PLXNC1: variants seen among roughly 807,000 people sequenced by gnomAD.
PLXNC1 encodes plexin-C1.
A neutral mutation model predicts 178.2 loss-of-function variants in PLXNC1; 75 were observed. The ratio of observed to expected loss-of-function variants is 0.42; its 90% CI spans 0.35 to 0.51. PLXNC1 has a LOEUF of 0.51. Ranked by LOEUF, PLXNC1 falls within the 20% of genes least tolerant of loss-of-function variation. The pLI is 0.02. For synonymous variants in PLXNC1, 790 were observed against 779.9 expected, an observed-to-expected ratio of 1.01 and a Z score of -0.22; for missense variants, 1,503 against 1,984.4, an observed-to-expected ratio of 0.76 and a Z score of 4.61.
intron 21 of PLXNC1, among the ~76,000 whole-genome samples, chr12:94,271,147 A>T (rs2136106003): frequency 6.6e-6 from 1 of 152,372 alleles, no homozygotes; most frequent in Non-Finnish European, 1.5e-5. Context: ...TTCGGCCCTG[A>T]AATAAAATTA....
In PLXNC1 at chr12:94,248,354, G is replaced by A. The variant is rs1964589347; in HGVS notation, c.2720G>A (p.Cys907Tyr). The A allele has an allele frequency of 6.2e-7, 1 of 1,613,140 alleles. No homozygotes were observed. Among genetic ancestry groups the A allele is most frequent in the Non-Finnish European group, 8.5e-7 (1 of 1,179,826 alleles). ...TRNQDLTTIL[C>Y]KIKGIKTAST... ...AATCAAGATCTTACCACCATCCTTT[G>A]CAAAATTAAAGGCATCAAGACTGCA... is the stretch of plus-strand genomic sequence containing the variant. The change falls in exon 14 of 31, where the codon TGC (cysteine) becomes TAC (tyrosine). Residue 907 changes from cysteine to tyrosine, a missense_variant. This residue lies in a region of PLXNC1 where 639 missense variants were observed against 979.7 expected (regional missense o/e 0.65). Transcript: ENST00000258526.
intron 4 of PLXNC1, among the ~76,000 whole-genome samples, chr12:94,207,063 G>T (rs561163282): frequency 3.3e-5 from 5 of 152,342 alleles, no homozygotes; most frequent in Admixed American, 3.3e-4. Context: ...GTAATATGCT[G>T]TCATGAAGAT....
chr12:94,159,148 AG>A (rs973408532), intron 1 of PLXNC1, among the ~76,000 whole-genome samples: 27 of 152,376 alleles, frequency 1.8e-4, no homozygotes, highest in Admixed American at 2.6e-4. Context: ...CATGGTAAAT[AG>A]GGTAGACAAT....
Position 94,272,888 on chromosome 12 carries a change from C to T in PLXNC1, c.3598-6584C>T, listed in dbSNP as rs73368561. Among the ~76,000 whole-genome samples the T allele has an allele frequency of 4.1e-3, 629 of 152,318 alleles. 1 individual carries two copies. The highest frequency in any genetic ancestry group is 0.014 in the African/African-American group (597 of 41,572). On this transcript the variant is annotated intron_variant, in intron 21 of 30. Coordinates refer to ENST00000258526, the MANE Select transcript of PLXNC1 (RefSeq NM_005761.3). The stretch of plus-strand genomic sequence containing the variant: ...GGAGGTCAAGCCTCCTCTACCAGAT[C>T]GCCTATGTCCAGCCTGTCTCCTGGG...
intron 2 of PLXNC1, among the ~76,000 whole-genome samples, chr12:94,171,620 C>T (rs113683270): frequency 3.3e-5 from 5 of 152,230 alleles, no homozygotes; most frequent in African/African-American, 9.6e-5. Context: ...CAACCTCTGC[C>T]GCACACATTG....
chr12:94,223,756 C>T (rs1565817781), intron 6 of PLXNC1, among the ~76,000 whole-genome samples: 1 of 152,136 alleles, frequency 6.6e-6, no homozygotes, highest in Non-Finnish European at 1.5e-5. Flanking sequence ...ATCGTGGAAC[C>T]CAGCCCATGG....
At chr12:94,286,752 TC>T (rs1236131500) in intron 23 of PLXNC1, among the ~76,000 whole-genome samples, 3 of 152,130 alleles carry the variant, frequency 2.0e-5, no homozygotes, top group South Asian at 4.1e-4. Context: ...GACGGCCAGT[TC>T]CTCCTACTAT....
In PLXNC1 at chr12:94,303,837, A is replaced by G. The variant is rs368738985; in HGVS notation, c.4468A>G (p.Arg1490Gly). The G allele has an allele frequency of 6.2e-7, 1 of 1,611,526 alleles. No homozygotes were observed. Among genetic ancestry groups the G allele is most frequent in the Non-Finnish European group, 8.5e-7 (1 of 1,178,842 alleles). Reference protein sequence around the residue: ...EEVKSYYKAIRDLPPLSSSEM... With the variant: ...EEVKSYYKAIGDLPPLSSSEM... ...AGTAAAATCTTATTACAAAGCAATC[A>G]GGGATTTGCCTCCATTGTCATCCTC... The change falls in exon 29 of 31, where the codon AGG (arginine) becomes GGG (glycine). Residue 1490 changes from arginine to glycine, a missense_variant. By Grantham distance (125) the Arg-to-Gly change is moderately radical. This residue lies in a region of PLXNC1 where 639 missense variants were observed against 979.7 expected (regional missense o/e 0.65). Coordinates refer to ENST00000258526, the MANE Select transcript of PLXNC1 (RefSeq NM_005761.3).
At position 94,169,207 on chromosome 12, in the gene PLXNC1, C is replaced by T; in HGVS notation, c.1117C>T (p.His373Tyr). 1 of 1,613,860 alleles carries T rather than the reference C, an allele frequency of 6.2e-7. No homozygotes were observed. The highest frequency in any genetic ancestry group is 8.5e-7 in the Non-Finnish European group (1 of 1,179,766). ...VQPIASSTLI[H>Y]SDLTSVYGTV... is the part of the protein sequence containing the mutation. ...ACCAATCGCATCATCTACCTTGATC[C>T]ATTCCGACCTGACATCCGTTTATGG... The change falls in exon 2 of 31, where the codon CAT becomes TAT. Residue 373 changes from histidine to tyrosine, a missense_variant. By Grantham distance (83) the His-to-Tyr change is moderately conservative. This residue lies in a region of PLXNC1 where 615 missense variants were observed against 698.6 expected (regional missense o/e 0.88). Coordinates refer to ENST00000258526, the MANE Select transcript of PLXNC1 (RefSeq NM_005761.3).
intron 6 of PLXNC1, among the ~76,000 whole-genome samples, chr12:94,221,439 T>C (rs1416672377): frequency 2.0e-5 from 3 of 151,942 alleles, no homozygotes; most frequent in Non-Finnish European, 4.4e-5. Context: ...GTGGATTCAA[T>C]AGATGGTCAG....
chr12:94,303,652 G>A, intron 28 of PLXNC1, 104 bp from the exon 29 acceptor site: 1 of 1,008,258 alleles, frequency 9.9e-7, no homozygotes, highest in South Asian at 2.0e-5. Context: ...CTGGTTGGTG[G>A]TGGGGGTTCA....
chr12:94,256,300 C>G (rs1277210057), intron 17 of PLXNC1: 2 of 152,160 alleles, frequency 1.3e-5, no homozygotes, highest in African/African-American at 4.8e-5. Context: ...TTTCCAGTTT[C>G]TCTATAATTT....
intron 20 of PLXNC1, among the ~76,000 whole-genome samples, chr12:94,262,050 AG>A (rs1315365005): frequency 6.6e-6 from 1 of 152,254 alleles, no homozygotes; most frequent in East Asian, 1.9e-4. Flanking sequence ...TCTTTGCTTT[AG>A]CCACAACAGC....
At chr12:94,236,993 C>T (rs1964260535) in intron 9 of PLXNC1, among the ~76,000 whole-genome samples, 1 of 152,074 alleles carries the variant, frequency 6.6e-6, no homozygotes, top group Non-Finnish European at 1.5e-5. Flanking sequence ...AGCTAGGTAG[C>T]AAGGGACTCC....
intron 9 of PLXNC1, among the ~76,000 whole-genome samples, chr12:94,237,111 C>A (rs1964264034): frequency 1.3e-5 from 2 of 152,158 alleles, no homozygotes; most frequent in Non-Finnish European, 2.9e-5. Context: ...GTTTAGACAT[C>A]CAACTACTTG....
intron 2 of PLXNC1, among the ~76,000 whole-genome samples, chr12:94,174,379 T>C (rs1191189413): frequency 6.6e-6 from 1 of 152,016 alleles, no homozygotes; most frequent in Non-Finnish European, 1.5e-5. Context: ...GGTTTTGCCA[T>C]GTTGCCCAGG....
intron 6 of PLXNC1, 29 bp from the exon 7 acceptor site, chr12:94,224,199 T>C: frequency 7.5e-7 from 1 of 1,329,822 alleles, no homozygotes; most frequent in Non-Finnish European, 1.1e-6. Flanking sequence ...GACTCCACCG[T>C]AAATGACATT....
At chr12:94,166,951 AT>A (rs1252760890) in intron 1 of PLXNC1, among the ~76,000 whole-genome samples, 1 of 151,878 alleles carries the variant, frequency 6.6e-6, no homozygotes, top group Non-Finnish European at 1.5e-5. Flanking sequence ...CTCTGTAGAG[AT>A]GGGGGTCTTG....
At chr12:94,212,633 T>C (rs975365273) in intron 5 of PLXNC1, among the ~76,000 whole-genome samples, 5 of 152,164 alleles carry the variant, frequency 3.3e-5, no homozygotes, top group African/African-American at 1.2e-4. Flanking sequence ...GTTTCATCCA[T>C]GTCCCTGCAA....
Sources: allele counts gnomAD v4.1 joint callset (sites outside exome capture counted in the v4.1 genomes callset), GRCh38; gene constraint gnomAD v4.1.1; regional missense constraint gnomAD v4.1.1; transcripts MANE v1.5; gene names NCBI Gene and HGNC (gene_info 2026-07-23, HGNC 2026-07-21).